SLC25A10: variants seen among roughly 807,000 people sequenced by gnomAD.
SLC25A10 encodes solute carrier family 25 member 10.
Under a neutral mutation model 40.4 loss-of-function variants are expected in SLC25A10, and 32 were observed. That is an observed-to-expected ratio of 0.79 (90% CI 0.60 to 1.06). SLC25A10 has a LOEUF of 1.06. Ranked by LOEUF, SLC25A10 falls within the 50% of genes least tolerant of loss-of-function variation. The probability of loss-of-function intolerance (pLI) is 0.00; values close to 1 mark genes in which losing one functional copy is unlikely to be tolerated. For synonymous variants in SLC25A10, 181 were observed against 171.1 expected (o/e 1.06, Z -0.45); for missense variants, 394 against 402.6 (o/e 0.98, Z 0.18).
At chr17:81,713,692 G>C (rs886359079) in intron 1 of SLC25A10, among the ~76,000 whole-genome samples, 2 of 152,198 alleles carry the variant, frequency 1.3e-5, no homozygotes, top group African/African-American at 4.8e-5. Context: ...CCTGGGCGCC[G>C]CACAGGTGCC....
rs148130302 is a variant in SLC25A10 at position 81,714,994 on chromosome 17, G to A, written c.135G>A (p.Thr45=). The change falls in exon 2 of 11, where the codon ACG becomes ACA. Residue 45 remains threonine, a synonymous_variant. Coordinates refer to ENST00000350690, the MANE Select transcript of SLC25A10 (RefSeq NM_012140.5). ...AGCAGGAGGTGAAGCTGCGCATGACGGGCATGGCGCTGCGGGTGGTGCGTA... is the reference window on the plus strand; with the variant it reads ...AGCAGGAGGTGAAGCTGCGCATGACAGGCATGGCGCTGCGGGTGGTGCGTA... ...QTQQEVKLRM[T]GMALRVVRTD... 27 of 1,609,716 alleles carry A rather than the reference G, an allele frequency of 1.7e-5. No individual in the cohort carries two copies. In the African/African-American group the frequency reaches 2.1e-4, roughly 13 times the overall value.
chr17:81,716,717 C>G (rs1014472433), intron 5 of SLC25A10, 95 bp from the exon 6 acceptor site: 5 of 1,336,296 alleles, frequency 3.7e-6, no homozygotes, highest in African/African-American at 2.9e-5. Context: ...TCTGCTTCCT[C>G]GAGAACCCCC....
At chr17:81,712,721 G>A (rs1486160289) in intron 1 of SLC25A10, among the ~76,000 whole-genome samples, 1 of 152,232 alleles carries the variant, frequency 6.6e-6, no homozygotes, top group African/African-American at 2.4e-5. Context: ...GGCCTGCAGG[G>A]CGCAGCCGCG....
chr17:81,719,313 C>T (rs576288327), intron 9 of SLC25A10, among the ~76,000 whole-genome samples: 5 of 151,540 alleles, frequency 3.3e-5, no homozygotes, highest in East Asian at 2.0e-4. Context: ...AGTGATCTGC[C>T]GCCTCAGCCT....
Position 81,713,201 on chromosome 17 carries a change from CT to C in SLC25A10, c.93+697del, listed in dbSNP as rs554844653. 690 of 143,182 alleles carry C rather than the reference CT, an allele frequency of 4.8e-3. 2 individuals are homozygous for C. Among genetic ancestry groups the C allele is most frequent in the African/African-American group, 7.1e-3 (278 of 39,158 alleles). The allele number at this position is 143,182 out of a possible 1,614,324, so 8.9% of individuals were successfully genotyped here. A position where few individuals can be genotyped will look rare whatever the true frequency, so the allele number is the denominator to read the frequency against. ...ACGAGAAGCAGCCACCGTTTTTTTA[CT>C]TTTTTTTTTTTTTTAATGCTTATGG... is the stretch of plus-strand genomic sequence containing the variant. On this transcript the variant is annotated intron_variant, in intron 1 of 10. Transcript: ENST00000350690.
In SLC25A10 at chr17:81,715,657, C is replaced by T. The variant is rs368219986; in HGVS notation, c.329-36C>T. The T allele has an allele frequency of 4.2e-5, 67 of 1,612,632 alleles. No homozygotes were observed. In the African/African-American group the frequency reaches 8.4e-4, roughly 20 times the overall value. On this transcript the variant is annotated intron_variant, in intron 3 of 10. Coordinates refer to ENST00000350690, the MANE Select transcript of SLC25A10 (RefSeq NM_012140.5). ...CAGGTCGGCCGAGGACGCCGTGTGT[C>T]AGCACGGCTCATCTCTGGGGTTTGT...
In SLC25A10 at chr17:81,712,327, C is replaced by G. The variant is rs1009382226; in HGVS notation, c.-100C>G. 3.7e-5 allele frequency: 31 copies of G among 842,754 alleles called. No homozygotes were observed. The East Asian group carries it at 1.3e-3, about 36-fold the overall frequency. The allele number at this position is 842,754 out of a possible 1,614,324, so 52.2% of individuals were successfully genotyped here. ...GCGGGCGCGCGGGCGGCGCTTTGAA[C>G]CGGGCGCGGGGCGCGGGGCGCGGGG... On this transcript the variant is annotated 5_prime_UTR_variant, in exon 1 of 11. Coordinates refer to ENST00000350690, the MANE Select transcript of SLC25A10 (RefSeq NM_012140.5).
intron 1 of SLC25A10, 82 bp from the exon 2 acceptor site, chr17:81,714,871 G>T: frequency 1.3e-6 from 2 of 1,562,176 alleles, no homozygotes; most frequent in South Asian, 2.3e-5. Context: ...ACTGCCTCCT[G>T]CCTCAGTTTC....
intron 2 of SLC25A10, among the ~76,000 whole-genome samples, 164 bp downstream of exon 2, chr17:81,715,236 G>T (rs1209603366): frequency 1.3e-5 from 2 of 152,248 alleles, no homozygotes; most frequent in Non-Finnish European, 2.9e-5. Flanking sequence ...CACCCAGTTT[G>T]CAGGGCTGGG....
chr17:81,714,599 G>A (rs1454712505), intron 1 of SLC25A10, among the ~76,000 whole-genome samples: 1 of 152,176 alleles, frequency 6.6e-6, no homozygotes, highest in Admixed American at 6.5e-5. Flanking sequence ...GGGCTCTGGG[G>A]TCTCCTCGCT....
rs375314620 is a variant in SLC25A10 at position 81,715,777 on chromosome 17, G to T, written c.377+36G>T. The T allele has an allele frequency of 1.1e-5, 17 of 1,612,152 alleles. No homozygotes were observed. In the African/African-American group the frequency reaches 1.5e-4, roughly 14 times the overall value. On this transcript the variant is annotated intron_variant, in intron 4 of 10. Coordinates refer to ENST00000350690, the MANE Select transcript of SLC25A10 (RefSeq NM_012140.5). ...CCCCACCCCACCTGCAAGGCCAGGG[G>T]CTTTCTTGTCCCCAGACATGCCAGG... is the stretch of plus-strand genomic sequence containing the variant.
chr17:81,718,820 A>G (rs1196001706), intron 9 of SLC25A10, among the ~76,000 whole-genome samples: 2 of 141,068 alleles, frequency 1.4e-5, no homozygotes, highest in African/African-American at 2.6e-5. Context: ...CTGGTGGCGC[A>G]CGCCTGTAAT....
At position 81,715,701 on chromosome 17, in the gene SLC25A10, G is replaced by A. The variant is rs757161206; in HGVS notation, c.337G>A (p.Gly113Arg). Reference protein sequence around the residue: ...VLLGSVSGLAGGFVGTPADLV... With the variant: ...VLLGSVSGLARGFVGTPADLV... ...GGTTTGTGTCACCGCAGGTTTAGCTGGAGGCTTCGTGGGGACGCCCGCAGA... is the reference window on the plus strand; with the variant it reads ...GGTTTGTGTCACCGCAGGTTTAGCTAGAGGCTTCGTGGGGACGCCCGCAGA... Residue 113 changes from glycine to arginine, a missense_variant, in exon 4 of 11, where the codon GGA (glycine) becomes AGA (arginine). By Grantham distance (125) the Gly-to-Arg change is moderately radical (BLOSUM62 -2). Transcript: ENST00000350690. 5.6e-6 allele frequency: 9 copies of A among 1,613,262 alleles called. No homozygotes were observed. Among genetic ancestry groups the A allele is most frequent in the Non-Finnish European group, 6.8e-6 (8 of 1,179,944 alleles).
rs914565615 is a variant in SLC25A10, at chr17:81,720,687, C to T, written c.*610C>T. On this transcript the variant is annotated 3_prime_UTR_variant, in exon 11 of 11. Coordinates refer to ENST00000350690, the MANE Select transcript of SLC25A10 (RefSeq NM_012140.5). Reference sequence around the variant, plus strand: ...TTCTGGAGCCATTGTGGGTGAGGGTCGAGGGCCACCGAGGTCCCGCGCACC... The same window carrying T: ...TTCTGGAGCCATTGTGGGTGAGGGTTGAGGGCCACCGAGGTCCCGCGCACC... 23 of 447,404 alleles carry T rather than the reference C, an allele frequency of 5.1e-5. No homozygotes were observed. Among genetic ancestry groups the T allele is most frequent in the African/African-American group, 3.4e-4 (17 of 49,426 alleles). 27.7% of individuals were successfully genotyped at this position (447,404 alleles called of 1,614,324 possible). A position where few individuals can be genotyped will look rare whatever the true frequency, so the allele number is the denominator to read the frequency against.
At position 81,712,463 on chromosome 17, in the gene SLC25A10, G is replaced by A; in HGVS notation, c.37G>A (p.Gly13Arg). The A allele has an allele frequency of 7.6e-7, 1 of 1,309,110 alleles. No homozygotes were observed. Among genetic ancestry groups the A allele is most frequent in the South Asian group, 2.2e-5 (1 of 44,590 alleles). The allele number at this position is 1,309,110 out of a possible 1,614,324, so 81.1% of individuals were successfully genotyped here. ...AEARVSRWYFGGLASCGAACC... is the reference protein window; with the variant it reads ...AEARVSRWYFRGLASCGAACC... ...GGCGCGCGTGTCGCGCTGGTACTTC[G>A]GGGGGCTGGCCTCCTGCGGGGCCGC... is the stretch of plus-strand genomic sequence containing the variant. The change falls in exon 1 of 11, where the codon GGG becomes AGG. Residue 13 changes from glycine (G) to arginine (R), a missense_variant. Physicochemically the swap from Gly to Arg is moderately radical, Grantham distance 125 (BLOSUM62 -2). Coordinates refer to ENST00000350690, the MANE Select transcript of SLC25A10 (RefSeq NM_012140.5).
intron 1 of SLC25A10, among the ~76,000 whole-genome samples, chr17:81,712,749 CG>C (rs2037407960): frequency 6.6e-6 from 1 of 152,258 alleles, no homozygotes; most frequent in Admixed American, 6.5e-5. Flanking sequence ...GCTTCCCAGC[CG>C]GCTTCCCAGT....
chr17:81,720,178 G>A lies in SLC25A10; in HGVS notation c.*101G>A, dbSNP rs2037565177. On this transcript the variant is annotated 3_prime_UTR_variant, in exon 11 of 11. Transcript: ENST00000350690. ...TCCTGGGGCCACGACCTCCCTGGCC[G>A]TGGCCACCCGTCCTCCGCAGCAGGC... 1.2e-5 allele frequency: 19 copies of A among 1,537,218 alleles called. No homozygotes were observed. Among genetic ancestry groups the A allele is most frequent in the Admixed American group, 4.0e-5 (2 of 50,558 alleles).
rs2037468803 is a variant in SLC25A10 at position 81,715,535 on chromosome 17, A to G, written c.271A>G (p.Lys91Glu). Reference protein sequence around the residue: ...IYETVRDRVAKGSQGPLPFHE... With the variant: ...IYETVRDRVAEGSQGPLPFHE... Reference sequence around the variant, plus strand: ...CGAGACTGTGCGGGACCGTGTGGCCAAGGGCAGCCAGGGGCCTCTCCCCTT... The same window carrying G: ...CGAGACTGTGCGGGACCGTGTGGCCGAGGGCAGCCAGGGGCCTCTCCCCTT... The change falls in exon 3 of 11, where the codon AAG becomes GAG. Residue 91 changes from lysine (K) to glutamate (E), a missense_variant. Coordinates refer to ENST00000350690, the MANE Select transcript of SLC25A10 (RefSeq NM_012140.5). 2 of 1,612,896 alleles carry G rather than the reference A, an allele frequency of 1.2e-6. No homozygotes were observed. Among genetic ancestry groups the G allele is most frequent in the East Asian group, 2.2e-5 (1 of 44,866 alleles).
chr17:81,712,970 C>G (rs1358016174), intron 1 of SLC25A10, among the ~76,000 whole-genome samples: 2 of 152,184 alleles, frequency 1.3e-5, no homozygotes, highest in Non-Finnish European at 2.9e-5. Context: ...GTGGGCCAAG[C>G]CGCCCCCCAC....
Sources: allele counts gnomAD v4.1 joint callset (sites outside exome capture counted in the v4.1 genomes callset), GRCh38; gene constraint gnomAD v4.1.1; transcripts MANE v1.5; gene names NCBI Gene and HGNC (gene_info 2026-07-23, HGNC 2026-07-21).